Variants in SPOCK1 observed in about 807,000 individuals in gnomAD.
SPOCK1 encodes testican-1.
A neutral mutation model predicts 55.3 loss-of-function variants in SPOCK1; 23 were observed. The ratio of observed to expected loss-of-function variants is 0.42; its 90% confidence interval spans 0.30 to 0.59. SPOCK1 has a LOEUF of 0.59. SPOCK1 is among the 20% of genes least tolerant of loss of function. The probability of loss-of-function intolerance (pLI) is 0.22; values close to 1 mark genes in which losing one functional copy is unlikely to be tolerated. For missense variants in SPOCK1, 499 were observed against 552.5 expected (o/e 0.90, Z 0.97); for synonymous variants, 226 against 221.0 (o/e 1.02, Z -0.20).
intron 5 of SPOCK1, among the ~76,000 whole-genome samples, chr5:137,088,684 C>G (rs536546601): frequency 4.6e-5 from 7 of 152,214 alleles, no homozygotes; most frequent in Admixed American, 3.3e-4. Flanking sequence ...GTCAGAGTCC[C>G]TGCCCTTAAA....
chr5:137,218,301 C>T lies in SPOCK1; in HGVS notation c.232+48709G>A, dbSNP rs191573825. 1.6e-4 allele frequency among the ~76,000 whole-genome samples: 24 copies of T among 152,294 alleles called. No homozygotes were observed. The East Asian group carries it at 4.4e-3, about 28-fold the overall frequency. Reference sequence around the variant, plus strand: ...AGATCTCCCTATGCAAAGGACAGTGCCTTTTCTAACTGACCAGAGAGAAAT... The same window carrying T: ...AGATCTCCCTATGCAAAGGACAGTGTCTTTTCTAACTGACCAGAGAGAAAT... On this transcript the variant is annotated intron_variant, in intron 3 of 10. Transcript: ENST00000394945.
chr5:137,332,688 T>C (rs1758209133), intron 2 of SPOCK1, among the ~76,000 whole-genome samples: 1 of 152,192 alleles, frequency 6.6e-6, no homozygotes, highest in African/African-American at 2.4e-5. Flanking sequence ...TACAGTGTCA[T>C]GCAAATAGAA....
At chr5:137,493,674 GAGTC>G (rs1418128128) in intron 2 of SPOCK1, among the ~76,000 whole-genome samples, 2 of 152,214 alleles carry the variant, frequency 1.3e-5, no homozygotes, top group Non-Finnish European at 2.9e-5. Flanking sequence ...TCATTAAAGA[GAGTC>G]AGGATCACAA....
intron 3 of SPOCK1, among the ~76,000 whole-genome samples, chr5:137,155,689 A>T (rs918728804): frequency 6.6e-6 from 1 of 152,236 alleles, no homozygotes. Flanking sequence ...TAATGAGAAG[A>T]TGTGTCTCTG....
intron 3 of SPOCK1, among the ~76,000 whole-genome samples, chr5:137,171,304 C>T (rs975050031): frequency 1.3e-5 from 2 of 152,154 alleles, no homozygotes; most frequent in Non-Finnish European, 1.5e-5. Context: ...GCCACTCTTG[C>T]ATATCTTTCT....
chr5:137,347,281 GC>G (rs1366737699), intron 2 of SPOCK1, among the ~76,000 whole-genome samples: 1 of 152,124 alleles, frequency 6.6e-6, no homozygotes, highest in Non-Finnish European at 1.5e-5. Flanking sequence ...CGCCCATGTT[GC>G]CCCCAGTGCT....
At chr5:137,046,084 C>T (rs1437519531) in intron 6 of SPOCK1, among the ~76,000 whole-genome samples, 1 of 7,112 alleles carries the variant, frequency 1.4e-4, no homozygotes, top group Non-Finnish European at 3.2e-4. Flanking sequence ...AGTGTGATGC[C>T]TCCAGCTTTG....
In SPOCK1 at chr5:137,377,958, T is replaced by C. The variant is rs1450306115; in HGVS notation, c.187-110903A>G. On this transcript the variant is annotated intron_variant, in intron 2 of 10. Coordinates refer to ENST00000394945, the MANE Select transcript of SPOCK1 (RefSeq NM_004598.4). ...CACTTCTTCCTTTTTTTTTTTTTTTTTTTTTTGAGACAGTTTGCTCTTGTA... is the reference window on the plus strand; with the variant it reads ...CACTTCTTCCTTTTTTTTTTTTTTTCTTTTTTGAGACAGTTTGCTCTTGTA... Among the ~76,000 whole-genome samples, 4 of 149,948 alleles carry C rather than the reference T, an allele frequency of 2.7e-5. No homozygotes were observed. The East Asian group carries it at 7.7e-4, about 29-fold the overall frequency.
At chr5:137,282,017 C>T (rs1757173040) in intron 2 of SPOCK1, among the ~76,000 whole-genome samples, 1 of 152,196 alleles carries the variant, frequency 6.6e-6, no homozygotes, top group African/African-American at 2.4e-5. Flanking sequence ...AAGCATTTAA[C>T]CTTCCTAGGC....
intron 6 of SPOCK1, among the ~76,000 whole-genome samples, chr5:137,007,840 G>A (rs1008454454): frequency 6.6e-6 from 1 of 152,024 alleles, no homozygotes; most frequent in African/African-American, 2.4e-5. Flanking sequence ...ACAGGCACAC[G>A]TATGCTTATT....
At chr5:137,400,354 T>C (rs1751948593) in intron 2 of SPOCK1, among the ~76,000 whole-genome samples, 2 of 152,104 alleles carry the variant, frequency 1.3e-5, no homozygotes, top group African/African-American at 4.8e-5. Context: ...AAAGAAAGAC[T>C]ATAGGAGTCT....
intron 5 of SPOCK1, among the ~76,000 whole-genome samples, chr5:137,097,037 T>C (rs1387675767): frequency 6.6e-6 from 1 of 152,210 alleles, no homozygotes; most frequent in Non-Finnish European, 1.5e-5. Flanking sequence ...GGCATGAGAA[T>C]TATGTAATGT....
Position 136,978,012 on chromosome 5 carries a change from G to A in SPOCK1, c.*642C>T. 1 of 398,460 alleles carries A rather than the reference G, an allele frequency of 2.5e-6. No individual in the cohort carries two copies. The highest frequency in any genetic ancestry group is 4.4e-6 in the Non-Finnish European group (1 of 225,986). The allele number at this position is 398,460 out of a possible 1,614,324, so 24.7% of individuals were successfully genotyped here. Reference sequence around the variant, plus strand: ...TTTCTGTACATGCATGCATATTTATGCATGTACAGGGAAGTATCCAGACAC... The same window carrying A: ...TTTCTGTACATGCATGCATATTTATACATGTACAGGGAAGTATCCAGACAC... On this transcript the variant is annotated 3_prime_UTR_variant, in exon 11 of 11. Coordinates refer to ENST00000394945, the MANE Select transcript of SPOCK1 (RefSeq NM_004598.4).
intron 6 of SPOCK1, among the ~76,000 whole-genome samples, chr5:137,029,659 G>A (rs1751740217): frequency 6.6e-6 from 1 of 152,196 alleles, no homozygotes; most frequent in Admixed American, 6.5e-5. Context: ...TAGGGTCATG[G>A]CAAAAGCCAA....
chr5:137,396,867 G>T (rs10059562), intron 2 of SPOCK1, among the ~76,000 whole-genome samples: 27,370 of 152,002 alleles, frequency 0.18, 2,923 homozygotes, highest in African/African-American at 0.28. Flanking sequence ...CCCAAGAGAG[G>T]GTGTCTCAGG....
chr5:137,271,562 C>T (rs1469074102), intron 2 of SPOCK1, among the ~76,000 whole-genome samples: 2 of 61,016 alleles, frequency 3.3e-5, no homozygotes, highest in African/African-American at 7.1e-5. Context: ...CTCTTCATCA[C>T]AGATGATCAT....
At chr5:137,132,957 C>T (rs1018128830) in intron 4 of SPOCK1, among the ~76,000 whole-genome samples, 4 of 152,172 alleles carry the variant, frequency 2.6e-5, no homozygotes, top group Non-Finnish European at 2.9e-5. Flanking sequence ...AAACCTGCCC[C>T]ACTCACCCCC....
rs564805972 is a variant in SPOCK1, at chr5:137,284,652, C to T, written c.187-17597G>A. Among the ~76,000 whole-genome samples the T allele has an allele frequency of 3.9e-5, 6 of 152,292 alleles. No homozygotes were observed. The South Asian group carries it at 1.2e-3, about 32-fold the overall frequency. On this transcript the variant is annotated intron_variant, in intron 2 of 10. Coordinates refer to ENST00000394945, the MANE Select transcript of SPOCK1 (RefSeq NM_004598.4). ...AGTGACCTCATGAAAGGAGAAAATA[C>T]ATGTTTAATTACAAATTTTGAGACT...
chr5:137,112,617 T>TAG, intron 4 of SPOCK1, 56 bp from the exon 5 acceptor site: 1 of 1,568,610 alleles, frequency 6.4e-7, no homozygotes, highest in East Asian at 2.3e-5. Context: ...CTATGAGTCT[T>TAG]TCCTCTAAGT....
Sources: gnomAD v4.1 joint callset for allele counts (sites outside exome capture counted in the v4.1 genomes callset) on GRCh38, gnomAD v4.1.1 for gene constraint, MANE v1.5 for transcripts, NCBI Gene and HGNC (gene_info 2026-07-23, HGNC 2026-07-21) for gene names.